CCDC171: variants seen among roughly 807,000 people sequenced by gnomAD.
CCDC171 encodes coiled-coil domain-containing protein 171.
A neutral mutation model predicts 168.2 loss-of-function variants in CCDC171; 177 were observed. The ratio of observed to expected loss-of-function variants is 1.05; its 90% CI spans 0.93 to 1.19. The LOEUF (loss-of-function observed/expected upper bound fraction) is 1.19, where lower values mean the gene tolerates loss of function less well. Among genes scored for constraint, CCDC171 ranks in the 50% most tolerant of loss-of-function variants. The probability of loss-of-function intolerance (pLI) is 0.00; values close to 1 mark genes in which losing one functional copy is unlikely to be tolerated. For synonymous variants in CCDC171, 687 were observed against 540.8 expected (o/e 1.27, Z -3.75); for missense variants, 1,991 against 1,539.0 (o/e 1.29, Z -4.91).
chr9:16,059,418 A>G (rs1833893801), intron 1 of CCDC171, among the ~76,000 whole-genome samples: 1 of 147,156 alleles, frequency 6.8e-6, no homozygotes, highest in Admixed American at 6.7e-5. Context: ...CCACACTGTG[A>G]GTGATGCAAA....
intron 18 of CCDC171, among the ~76,000 whole-genome samples, chr9:15,764,102 A>G (rs2056596396): frequency 6.6e-6 from 1 of 152,186 alleles, no homozygotes; most frequent in East Asian, 1.9e-4. Flanking sequence ...AATGGCAAGG[A>G]GGCCCAAGTG....
At chr9:15,834,066 T>G (rs2060342280) in intron 21 of CCDC171, among the ~76,000 whole-genome samples, 1 of 152,158 alleles carries the variant, frequency 6.6e-6, no homozygotes, top group East Asian at 1.9e-4. Context: ...GTTGTTTCAG[T>G]GGGCCCAATT....
At chr9:15,689,786 C>G (rs1414817215) in intron 10 of CCDC171, among the ~76,000 whole-genome samples, 1 of 152,020 alleles carries the variant, frequency 6.6e-6, no homozygotes, top group Non-Finnish European at 1.5e-5. Context: ...GTAACACGTT[C>G]CAATTTTAAA....
At chr9:15,939,553 G>A (rs937718223) in intron 25 of CCDC171, among the ~76,000 whole-genome samples, 4 of 151,756 alleles carry the variant, frequency 2.6e-5, no homozygotes, top group Non-Finnish European at 5.9e-5. Flanking sequence ...AAAGTATAGG[G>A]TAGTTATTTA....
At chr9:15,585,302 C>A (rs547022234) in intron 4 of CCDC171, among the ~76,000 whole-genome samples, 2 of 152,148 alleles carry the variant, frequency 1.3e-5, no homozygotes, top group Non-Finnish European at 2.9e-5. Flanking sequence ...AATTTCCTAG[C>A]AACTCCATTC....
intron 25 of CCDC171, among the ~76,000 whole-genome samples, chr9:15,928,011 A>G (rs1217974504): frequency 6.6e-6 from 1 of 151,710 alleles, no homozygotes; most frequent in Admixed American, 6.6e-5. Context: ...GAGGCTATAC[A>G]GTGCACTTCA....
At chr9:16,108,018 G>A in the CCDC171 span, among the ~76,000 whole-genome samples, 4 of 152,122 alleles carry the variant, frequency 2.6e-5, no homozygotes, top group South Asian at 4.1e-4. Context: ...AAAATACATT[G>A]TTGCTGGCAA....
At chr9:15,828,606 T>C (rs2060109508) in intron 21 of CCDC171, among the ~76,000 whole-genome samples, 2 of 152,174 alleles carry the variant, frequency 1.3e-5, no homozygotes, top group South Asian at 4.1e-4. Flanking sequence ...TATGCATAGA[T>C]TTAAGTGCAA....
intron 24 of CCDC171, among the ~76,000 whole-genome samples, chr9:15,910,425 T>C (rs959180482): frequency 3.9e-5 from 6 of 152,188 alleles, no homozygotes; most frequent in African/African-American, 1.4e-4. Flanking sequence ...CATTGATCTG[T>C]ATGTCTGTTT....
chr9:15,705,564 C>G (rs746441143), intron 11 of CCDC171, among the ~76,000 whole-genome samples: 1 of 152,160 alleles, frequency 6.6e-6, no homozygotes, highest in Admixed American at 6.5e-5. Flanking sequence ...CTGTATAGCT[C>G]TCTTTCTTGT....
At chr9:15,663,426 T>C (rs1292658557) in intron 8 of CCDC171, among the ~76,000 whole-genome samples, 1 of 152,144 alleles carries the variant, frequency 6.6e-6, no homozygotes, top group Admixed American at 6.5e-5. Flanking sequence ...GTTCTTGCTT[T>C]ATTCTTGTCC....
At chr9:15,580,569 G>A (rs567615158) in intron 4 of CCDC171, among the ~76,000 whole-genome samples, 5 of 152,068 alleles carry the variant, frequency 3.3e-5, no homozygotes, top group Admixed American at 2.6e-4. Context: ...ACTGGGCAAA[G>A]GACATATATA....
At position 15,980,564 on chromosome 9, in the gene CCDC171, T is replaced by C. The variant is rs74725851; in HGVS notation, n.369-40025T>C. ...TTCTCTCAGTGGAGACCTACTTTAA[T>C]TGATTTCTTAAAAGCCATCTTTCAT... On this transcript the variant is annotated intron_variant and non_coding_transcript_variant, in intron 3 of 9. Transcript: ENST00000486641. Among the ~76,000 whole-genome samples, 794 of 152,258 alleles carry C rather than the reference T, an allele frequency of 5.2e-3. 3 individuals are homozygous for C. Among genetic ancestry groups the C allele is most frequent in the Middle Eastern group, 0.01 (3 of 294 alleles).
intron 6 of CCDC171, among the ~76,000 whole-genome samples, chr9:16,024,471 G>A (rs896510916): frequency 1.3e-5 from 2 of 152,150 alleles, no homozygotes; most frequent in African/African-American, 2.4e-5. Flanking sequence ...ATACGGAAAT[G>A]AATTATTGGT....
At chr9:15,806,560 C>T (rs996463713) in intron 21 of CCDC171, among the ~76,000 whole-genome samples, 1 of 152,186 alleles carries the variant, frequency 6.6e-6, no homozygotes, top group African/African-American at 2.4e-5. Flanking sequence ...TGAATATAGG[C>T]CTCCAATCTG....
At chr9:15,600,485 G>T (rs1209594804) in intron 6 of CCDC171, among the ~76,000 whole-genome samples, 2 of 152,180 alleles carry the variant, frequency 1.3e-5, no homozygotes, top group Non-Finnish European at 2.9e-5. Context: ...CTGCCTGATT[G>T]TTCTTCTGGA....
At chr9:15,916,571 A>G (rs1016606735) in intron 24 of CCDC171, among the ~76,000 whole-genome samples, 3 of 152,062 alleles carry the variant, frequency 2.0e-5, no homozygotes, top group South Asian at 2.1e-4. Context: ...TTCTCTTAAT[A>G]TCAGTCCCCC....
At chr9:15,555,352 G>A (rs1054801242) in intron 1 of CCDC171, among the ~76,000 whole-genome samples, 1 of 152,158 alleles carries the variant, frequency 6.6e-6, no homozygotes, top group Non-Finnish European at 1.5e-5. Flanking sequence ...ACTGCTACAG[G>A]ATGGCCTGGT....
intron 3 of CCDC171, among the ~76,000 whole-genome samples, chr9:16,009,724 G>GT (rs940137469): frequency 4.6e-5 from 7 of 151,988 alleles, no homozygotes; most frequent in Non-Finnish European, 1.0e-4. Flanking sequence ...ACATGCATTC[G>GT]TTTTTTTAAA....
Sources: allele counts gnomAD v4.1 joint callset (sites outside exome capture counted in the v4.1 genomes callset), GRCh38; gene constraint gnomAD v4.1.1; transcripts MANE v1.5; gene names NCBI Gene and HGNC (gene_info 2026-07-23, HGNC 2026-07-21).